The following ASAP1 variants were observed in gnomAD, a reference collection of about 807,000 sequenced individuals.
The protein encoded by ASAP1 is ArfGAP with SH3 domain, ankyrin repeat and PH domain 1.
In ASAP1, 43 loss-of-function variants were observed where a neutral mutation model predicts 145.2. The ratio of observed to expected loss-of-function variants is 0.30; its 90% confidence interval spans 0.23 to 0.38. The LOEUF is 0.38. Among genes scored for constraint, ASAP1 ranks in the 10% least tolerant of loss-of-function variants. The pLI, the probability that ASAP1 is intolerant of heterozygous loss-of-function variation, is 1.00. For synonymous variants in ASAP1, 546 were observed against 515.5 expected (o/e 1.06, Z -0.80); for missense variants, 1,018 against 1,355.3 (o/e 0.75, Z 3.91).
At chr8:130,396,724 C>A (rs926257528) in intron 2 of ASAP1, among the ~76,000 whole-genome samples, 1 of 152,186 alleles carries the variant, frequency 6.6e-6, no homozygotes, top group African/African-American at 2.4e-5. Flanking sequence ...CCCTGCCCTG[C>A]AGCCAAAAAG....
intron 28 of ASAP1, among the ~76,000 whole-genome samples, chr8:130,058,800 T>C (rs529945213): frequency 4.6e-5 from 7 of 152,184 alleles, no homozygotes; most frequent in Non-Finnish European, 1.0e-4. Flanking sequence ...GGAGTGCCTC[T>C]TCCTCTCTGT....
chr8:130,420,893 CAAAAAA>C (rs76745841), intron 1 of ASAP1, among the ~76,000 whole-genome samples: 2 of 95,002 alleles, frequency 2.1e-5, no homozygotes, highest in Non-Finnish European at 4.6e-5. Flanking sequence ...AACTCCAACT[CAAAAAA>C]AAAAAAAAAA....
At chr8:130,130,002 C>T (rs958281242) in intron 15 of ASAP1, among the ~76,000 whole-genome samples, 1 of 152,170 alleles carries the variant, frequency 6.6e-6, no homozygotes, top group Admixed American at 6.5e-5. Flanking sequence ...ATTTTATCAG[C>T]GGCACTGATG....
At chr8:130,344,076 T>C (rs1237689730) in intron 3 of ASAP1, among the ~76,000 whole-genome samples, 1 of 152,236 alleles carries the variant, frequency 6.6e-6, no homozygotes, top group East Asian at 1.9e-4. Flanking sequence ...AAGAGTAGAC[T>C]GTAGCTTACG....
intron 3 of ASAP1, among the ~76,000 whole-genome samples, chr8:130,275,120 C>T (rs565928681): frequency 2.4e-4 from 36 of 152,318 alleles, no homozygotes; most frequent in African/African-American, 8.7e-4. Flanking sequence ...AGATCTTAGA[C>T]AAGAATGAAA....
intron 1 of ASAP1, among the ~76,000 whole-genome samples, chr8:130,421,334 T>C (rs1202363811): frequency 6.6e-6 from 1 of 152,160 alleles, no homozygotes. Context: ...TCCCCATCCC[T>C]TCAACCAAGC....
At position 130,186,850 on chromosome 8, in the gene ASAP1, T is replaced by C. The variant is rs576027084; in HGVS notation, c.530+386A>G. On this transcript the variant is annotated intron_variant, in intron 7 of 29. Coordinates refer to ENST00000518721, the MANE Select transcript of ASAP1 (RefSeq NM_018482.4). ...GTGCACGTCCTGGCAGGCACCAAGA[T>C]GTCACAGTATTAGCTGTTACTTCTA... Among the ~76,000 whole-genome samples the C allele has an allele frequency of 4.6e-5, 7 of 152,350 alleles. No individual in the cohort carries two copies. The South Asian group carries it at 1.5e-3, about 32-fold the overall frequency.
In ASAP1 at chr8:130,172,649, T is replaced by C. The variant is rs1586509847; in HGVS notation, c.747-3582A>G. On this transcript the variant is annotated intron_variant, in intron 9 of 29. Transcript: ENST00000518721. ...CCACGTGTGGCCAATGGGTACCATG[T>C]AGATGGTAAAGAGTATGAACATTTC... Among the ~76,000 whole-genome samples the C allele has an allele frequency of 2.0e-5, 3 of 152,358 alleles. No individual in the cohort carries two copies. In the East Asian group the frequency reaches 5.8e-4, roughly 29 times the overall value.
chr8:130,276,044 T>C (rs1820862143), intron 3 of ASAP1, among the ~76,000 whole-genome samples: 1 of 152,182 alleles, frequency 6.6e-6, no homozygotes, highest in Non-Finnish European at 1.5e-5. Context: ...CAAGCCTCTT[T>C]AAGGGAAGAG....
At chr8:130,426,425 A>G (rs995937552) in intron 1 of ASAP1, among the ~76,000 whole-genome samples, 3 of 151,496 alleles carry the variant, frequency 2.0e-5, no homozygotes, top group Non-Finnish European at 2.9e-5. Context: ...AAAAAAAAAA[A>G]GGGTAAGCCA....
chr8:130,200,888 A>G (rs1327136941), intron 5 of ASAP1, among the ~76,000 whole-genome samples: 1 of 152,228 alleles, frequency 6.6e-6, no homozygotes, highest in African/African-American at 2.4e-5. Context: ...AAAAACAATT[A>G]ATATAAAAGT....
At chr8:130,353,722 T>A (rs1365846294) in intron 3 of ASAP1, among the ~76,000 whole-genome samples, 1 of 152,082 alleles carries the variant, frequency 6.6e-6, no homozygotes, top group African/African-American at 2.4e-5. Flanking sequence ...ATACAAAAAT[T>A]AGCCAGGCAT....
At chr8:130,320,058 T>C (rs1823904184) in intron 3 of ASAP1, among the ~76,000 whole-genome samples, 1 of 152,244 alleles carries the variant, frequency 6.6e-6, no homozygotes, top group Admixed American at 6.5e-5. Context: ...TCTTTGTACT[T>C]TTCTGTATTT....
At chr8:130,168,960 G>GTTA in intron 10 of ASAP1, 32 bp downstream of exon 10, 1 of 1,316,306 alleles carries the variant, frequency 7.6e-7, no homozygotes, top group East Asian at 2.3e-5. Context: ...ATGAAAGCAA[G>GTTA]TTAAACTGCA....
intron 4 of ASAP1, among the ~76,000 whole-genome samples, chr8:130,215,061 C>T (rs148679018): frequency 7.9e-5 from 12 of 151,774 alleles, no homozygotes; most frequent in South Asian, 4.2e-4. Context: ...CCACCATGCC[C>T]GGCTAATTTT....
intron 5 of ASAP1, among the ~76,000 whole-genome samples, chr8:130,193,913 C>G (rs1237782270): frequency 6.6e-6 from 1 of 152,194 alleles, no homozygotes; most frequent in East Asian, 1.9e-4. Context: ...TGGTTTCCAA[C>G]TCCTGGCCTC....
intron 29 of ASAP1, 68 bp downstream of exon 29, chr8:130,057,886 C>T: frequency 1.3e-6 from 2 of 1,595,684 alleles, no homozygotes; most frequent in Non-Finnish European, 1.7e-6. Context: ...TCTGTAGGCT[C>T]CAATGTGGTG....
Position 130,358,188 on chromosome 8 carries a change from C to G in ASAP1, c.60-45G>C. 6.4e-7 allele frequency: 1 copy of G among 1,554,892 alleles called. No individual in the cohort carries two copies. Among genetic ancestry groups the G allele is most frequent in the African/African-American group, 1.4e-5 (1 of 73,416 alleles). On this transcript the variant is annotated intron_variant, in intron 2 of 29. Transcript: ENST00000518721. This position sits in a 1 kb window ranked among gnomAD's most constrained non-coding sequence, Gnocchi z 4.1. Reference sequence around the variant, plus strand: ...ACAAGCGGGGGCGGGGGGTGAGTCACGGCGCAGGCTCCCGGGGCCGCGGGC... The same window carrying G: ...ACAAGCGGGGGCGGGGGGTGAGTCAGGGCGCAGGCTCCCGGGGCCGCGGGC...
At chr8:130,294,712 T>C (rs1263731441) in intron 3 of ASAP1, among the ~76,000 whole-genome samples, 1 of 152,206 alleles carries the variant, frequency 6.6e-6, no homozygotes, top group African/African-American at 2.4e-5. Context: ...TTCTCTTGGC[T>C]AATGAAAACA....
Sources: allele counts gnomAD v4.1 joint callset (sites outside exome capture counted in the v4.1 genomes callset), GRCh38; gene constraint gnomAD v4.1.1; non-coding constraint Gnocchi (gnomAD v3.1); transcripts MANE v1.5; gene names NCBI Gene and HGNC (gene_info 2026-07-23, HGNC 2026-07-21).